HHLA2: variants seen among roughly 807,000 people sequenced by gnomAD.
The protein encoded by HHLA2 is HERV-H LTR-associating protein 2.
HHLA2 carries 48 observed loss-of-function variants against 45.9 expected under a neutral mutation model. That is an observed-to-expected ratio of 1.05 (90% CI 0.83 to 1.33). The LOEUF is 1.33. Ranked by LOEUF, HHLA2 falls within the 40% of genes most tolerant of loss-of-function variation. The pLI is 0.00. For synonymous variants in HHLA2, 161 were observed against 173.9 expected, an observed-to-expected ratio of 0.93 and a Z score of 0.59; for missense variants, 462 against 494.3, an observed-to-expected ratio of 0.93 and a Z score of 0.62.
intron 7 of HHLA2, among the ~76,000 whole-genome samples, chr3:108,359,514 G>A (rs529121870): frequency 3.3e-5 from 5 of 152,252 alleles, no homozygotes; most frequent in African/African-American, 1.2e-4. Flanking sequence ...ACAACAAGAT[G>A]GGGGGTACTT....
chr3:108,304,236 A>G (rs974076571), intron 1 of HHLA2, among the ~76,000 whole-genome samples: 4 of 152,188 alleles, frequency 2.6e-5, no homozygotes, highest in South Asian at 4.1e-4. Context: ...AAATTTAGGC[A>G]TTGTGTTACT....
At chr3:108,317,998 A>G (rs946757151) in intron 2 of HHLA2, among the ~76,000 whole-genome samples, 2 of 151,958 alleles carry the variant, frequency 1.3e-5, no homozygotes, top group East Asian at 2.0e-4. Context: ...CCTCACCAAC[A>G]TGGAGAAACC....
chr3:108,369,795 A>G (rs190519262), intron 8 of HHLA2, among the ~76,000 whole-genome samples: 14 of 152,346 alleles, frequency 9.2e-5, no homozygotes, highest in Admixed American at 7.8e-4. Context: ...AGGCTTGAGT[A>G]GGTAAACAAA....
chr3:108,327,325 G>A (rs1270788004), intron 2 of HHLA2, among the ~76,000 whole-genome samples: 1 of 152,002 alleles, frequency 6.6e-6, no homozygotes, highest in African/African-American at 2.4e-5. Context: ...TCTTGTTTGA[G>A]GTTTATAGGG....
intron 6 of HHLA2, among the ~76,000 whole-genome samples, chr3:108,356,879 T>C (rs2081902738): frequency 6.6e-6 from 1 of 152,222 alleles, no homozygotes; most frequent in African/African-American, 2.4e-5. Flanking sequence ...ACAGAATATG[T>C]GCTTAAGAAA....
intron 8 of HHLA2, among the ~76,000 whole-genome samples, chr3:108,369,762 G>A (rs889952983): frequency 2.6e-5 from 4 of 152,192 alleles, no homozygotes; most frequent in Non-Finnish European, 5.9e-5. Context: ...GCGAGCCTGG[G>A]GGAGGGGCAC....
chr3:108,316,801 A>G (rs1195655571), intron 2 of HHLA2, among the ~76,000 whole-genome samples: 1 of 152,176 alleles, frequency 6.6e-6, no homozygotes, highest in Non-Finnish European at 1.5e-5. Flanking sequence ...TCCAAATAAA[A>G]TTTGGCAACC....
intron 8 of HHLA2, among the ~76,000 whole-genome samples, chr3:108,365,594 C>A (rs546471940): frequency 2.6e-5 from 4 of 152,128 alleles, no homozygotes; most frequent in South Asian, 4.2e-4. Flanking sequence ...GGCAGTATGG[C>A]CATTTTCACG....
intron 8 of HHLA2, among the ~76,000 whole-genome samples, chr3:108,366,879 G>A (rs2082071973): frequency 1.3e-5 from 2 of 151,810 alleles, no homozygotes; most frequent in Admixed American, 6.6e-5. Context: ...TTATTAGTCT[G>A]GCTAGCAGTC....
At chr3:108,329,606 C>T (rs2081349424) in intron 3 of HHLA2, among the ~76,000 whole-genome samples, 1 of 152,134 alleles carries the variant, frequency 6.6e-6, no homozygotes, top group Non-Finnish European at 1.5e-5. Context: ...ATACTGGGAA[C>T]AGGCATGGCA....
At chr3:108,373,562 G>T (rs1209907849) in intron 8 of HHLA2, among the ~76,000 whole-genome samples, 4 of 152,034 alleles carry the variant, frequency 2.6e-5, no homozygotes, top group South Asian at 2.1e-4. Context: ...ATGACATGAC[G>T]GTATATCTAG....
chr3:108,370,458 C>T lies in HHLA2; in HGVS notation c.1109-5292C>T, dbSNP rs375486044. Reference sequence around the variant, plus strand: ...AAGGAACGCAGCTCCTCACCAGCAACGGAACAAAGCTGGACGGAGAATGAC... The same window carrying T: ...AAGGAACGCAGCTCCTCACCAGCAATGGAACAAAGCTGGACGGAGAATGAC... On this transcript the variant is annotated intron_variant, in intron 8 of 10. Transcript: ENST00000619531. Among the ~76,000 whole-genome samples, 29 of 152,212 alleles carry T rather than the reference C, an allele frequency of 1.9e-4. No individual in the cohort carries two copies. The East Asian group carries it at 3.9e-3, about 20-fold the overall frequency.
rs1447347260 is a variant in HHLA2 at position 108,375,924 on chromosome 3, AG to A, written c.1159+125del. On this transcript the variant is annotated intron_variant, in intron 9 of 10. Coordinates refer to ENST00000619531, the Ensembl canonical transcript of HHLA2. ...AAATAGATATATTCCATACTTCTGCAGTGAGATGGGCTGAAAATATATTTGA... is the reference window on the plus strand; with the variant it reads ...AAATAGATATATTCCATACTTCTGCATGAGATGGGCTGAAAATATATTTGA... 7 of 1,276,452 alleles carry A rather than the reference AG, an allele frequency of 5.5e-6. No individual in the cohort carries two copies. In the African/African-American group the frequency reaches 1.1e-4, roughly 19 times the overall value. 79.1% of individuals were successfully genotyped at this position (1,276,452 alleles called of 1,614,324 possible).
At chr3:108,341,497 C>T (rs543666915) in intron 3 of HHLA2, among the ~76,000 whole-genome samples, 3 of 152,192 alleles carry the variant, frequency 2.0e-5, no homozygotes, top group Admixed American at 6.5e-5. Flanking sequence ...CATTACTAAG[C>T]AAATGTGTGT....
At chr3:108,350,417 T>C (rs1296082547) in intron 3 of HHLA2, among the ~76,000 whole-genome samples, 1 of 152,168 alleles carries the variant, frequency 6.6e-6, no homozygotes, top group Non-Finnish European at 1.5e-5. Flanking sequence ...TTATAGTCTT[T>C]AAAATGTAAA....
At chr3:108,305,633 A>G (rs1188613687) in intron 1 of HHLA2, among the ~76,000 whole-genome samples, 1 of 151,904 alleles carries the variant, frequency 6.6e-6, no homozygotes, top group East Asian at 1.9e-4. Context: ...GAGGAACCAG[A>G]CACTCCAGGT....
intron 5 of HHLA2, among the ~76,000 whole-genome samples, chr3:108,354,552 G>T (rs2124739): frequency 0.68 from 102,238 of 151,400 alleles, 35,368 homozygotes; most frequent in African/African-American, 0.77. Context: ...TCATTTATAT[G>T]CAATATAGTT....
In HHLA2 at chr3:108,351,224, C is replaced by G. The variant is rs1458135754; in HGVS notation, c.-26-564C>G. On this transcript the variant is annotated intron_variant, in intron 3 of 10. Transcript: ENST00000619531. ...TAACCCATGAATTTAATGGCTTGCA[C>G]TAGTATTGGATATGTAAAAATATAT... Among the ~76,000 whole-genome samples the G allele has an allele frequency of 2.6e-5, 4 of 152,138 alleles. No homozygotes were observed. In the East Asian group the frequency reaches 7.7e-4, roughly 29 times the overall value.
chr3:108,368,244 C>T (rs968585321), intron 8 of HHLA2, among the ~76,000 whole-genome samples: 14 of 151,998 alleles, frequency 9.2e-5, no homozygotes, highest in Admixed American at 3.9e-4. Context: ...GTACCAGCCA[C>T]TGCAAAAAAA....
Sources: gnomAD v4.1 joint callset for allele counts (sites outside exome capture counted in the v4.1 genomes callset) on GRCh38, gnomAD v4.1.1 for gene constraint, MANE v1.5 for transcripts, NCBI Gene and HGNC (gene_info 2026-07-23, HGNC 2026-07-21) for gene names.